GNAL: variants seen among roughly 807,000 people sequenced by gnomAD.
The protein encoded by GNAL is G protein subunit alpha L, also known as guanine nucleotide-binding protein G(olf) subunit alpha.
Under a neutral mutation model 55.1 loss-of-function variants are expected in GNAL, and 18 were observed. That is an observed-to-expected ratio of 0.33 (90% CI 0.23 to 0.48). GNAL has a LOEUF of 0.48. GNAL is among the 20% of genes least tolerant of loss of function. The pLI, the probability that GNAL is intolerant of heterozygous loss-of-function variation, is 0.99. For synonymous variants in GNAL, 253 were observed against 237.0 expected (o/e 1.07, Z -0.62); for missense variants, 412 against 614.1 (o/e 0.67, Z 3.48).
chr18:11,691,934 T>G lies in GNAL; in HGVS notation c.376+1995T>G, dbSNP rs546874953. Among the ~76,000 whole-genome samples, 5 of 152,146 alleles carry G rather than the reference T, an allele frequency of 3.3e-5. No homozygotes were observed. In the East Asian group the frequency reaches 7.7e-4, roughly 23 times the overall value. Reference sequence around the variant, plus strand: ...CCAAATGCTTGCTCTCCTAGTAGTATTTTTCAGAGCTTAGCTATAGCAAAT... The same window carrying G: ...CCAAATGCTTGCTCTCCTAGTAGTAGTTTTCAGAGCTTAGCTATAGCAAAT... On this transcript the variant is annotated intron_variant, in intron 1 of 11. Coordinates refer to ENST00000334049, the MANE Select transcript of GNAL (RefSeq NM_182978.4).
intron 1 of GNAL, among the ~76,000 whole-genome samples, chr18:11,692,307 G>T (rs575267720): frequency 3.7e-4 from 57 of 152,318 alleles, no homozygotes; most frequent in Non-Finnish European, 6.6e-4. Flanking sequence ...CCTAGCTGTT[G>T]TATCCTGTTG....
At chr18:11,799,316 T>C (rs2034463803) in intron 4 of GNAL, among the ~76,000 whole-genome samples, 1 of 152,170 alleles carries the variant, frequency 6.6e-6, no homozygotes, top group Non-Finnish European at 1.5e-5. Flanking sequence ...TCTGTTGTCT[T>C]AGGGAAAGTG....
chr18:11,871,875 T>C (rs73403335), intron 9 of GNAL, among the ~76,000 whole-genome samples: 4,758 of 152,330 alleles, frequency 0.031, 228 homozygotes, highest in African/African-American at 0.11. Flanking sequence ...TTATCCGAAA[T>C]GCTTGGGACC....
At chr18:11,830,377 C>T (rs1190253137) in intron 5 of GNAL, among the ~76,000 whole-genome samples, 1 of 151,398 alleles carries the variant, frequency 6.6e-6, no homozygotes, top group Non-Finnish European at 1.5e-5. Context: ...ACCTCCACCT[C>T]CCGGGTTCAA....
Position 11,752,134 on chromosome 18 carries a change from C to A in GNAL, c.377-719C>A. On this transcript the variant is annotated intron_variant, in intron 1 of 11. Transcript: ENST00000334049. This position sits in a 1 kb window ranked among gnomAD's most constrained non-coding sequence, Gnocchi z 4.5. The stretch of plus-strand genomic sequence containing the variant: ...GGCTGTCTCCAGCGGAGACCGGCGC[C>A]CTCGCCCCCCGTCTCCGTTCATTGT... 4.4e-6 allele frequency: 1 copy of A among 227,836 alleles called. No homozygotes were observed. The highest frequency in any genetic ancestry group is 8.0e-6 in the Non-Finnish European group (1 of 124,850). 14.1% of individuals were successfully genotyped at this position (227,836 alleles called of 1,614,324 possible). A position where few individuals can be genotyped will look rare whatever the true frequency, so the allele number is the denominator to read the frequency against.
At chr18:11,846,847 G>C (rs368103702) in intron 5 of GNAL, among the ~76,000 whole-genome samples, 1 of 151,958 alleles carries the variant, frequency 6.6e-6, no homozygotes, top group Non-Finnish European at 1.5e-5. Context: ...AAAGTGTTGT[G>C]ATTACAGGCA....
chr18:11,773,502 A>C (rs916483391), intron 4 of GNAL, among the ~76,000 whole-genome samples: 16 of 152,204 alleles, frequency 1.1e-4, no homozygotes, highest in African/African-American at 3.6e-4. Context: ...GCAGTGGCTC[A>C]TCCCTTTAAT....
At chr18:11,871,677 T>A (rs2143886505) in intron 9 of GNAL, among the ~76,000 whole-genome samples, 1 of 152,328 alleles carries the variant, frequency 6.6e-6, no homozygotes, top group Admixed American at 6.5e-5. Flanking sequence ...AGCTAATGAG[T>A]CATATATTAC....
At chr18:11,773,880 T>C (rs564518071) in intron 4 of GNAL, among the ~76,000 whole-genome samples, 10 of 152,362 alleles carry the variant, frequency 6.6e-5, no homozygotes, top group Admixed American at 3.9e-4. Context: ...CTTAACATTA[T>C]GGTTAAGAGT....
At chr18:11,745,377 T>C (rs1234605195) in intron 1 of GNAL, among the ~76,000 whole-genome samples, 1 of 152,254 alleles carries the variant, frequency 6.6e-6, no homozygotes, top group African/African-American at 2.4e-5. Flanking sequence ...TGACTTTTTT[T>C]TCAACATTTG....
At chr18:11,711,000 C>T (rs370144876) in intron 1 of GNAL, among the ~76,000 whole-genome samples, 6 of 152,096 alleles carry the variant, frequency 3.9e-5, no homozygotes, top group Non-Finnish European at 5.9e-5. Context: ...CTCAGCCTCC[C>T]GAGTAGCTGT....
intron 5 of GNAL, among the ~76,000 whole-genome samples, chr18:11,835,974 G>A (rs7237503): frequency 0.038 from 5,727 of 152,080 alleles, 130 homozygotes; most frequent in African/African-American, 0.056. Flanking sequence ...TTGAGACCTC[G>A]TCTCTACAAA....
At chr18:11,704,234 G>A (rs904306876) in intron 1 of GNAL, among the ~76,000 whole-genome samples, 3 of 152,152 alleles carry the variant, frequency 2.0e-5, no homozygotes, top group African/African-American at 4.8e-5. Flanking sequence ...GTCATACCAC[G>A]GAACACATCG....
chr18:11,689,758 GC>G lies in GNAL; in HGVS notation c.198del (p.Ala68GlnfsTer14). 1 of 1,514,634 alleles carries G rather than the reference GC, an allele frequency of 6.6e-7. No homozygotes were observed. The highest frequency in any genetic ancestry group is 8.8e-7 in the Non-Finnish European group (1 of 1,134,852). The allele number at this position is 1,514,634 out of a possible 1,614,324, so 93.8% of individuals were successfully genotyped here. ...GCGAAGGGAGCCCGGCATGCGCTCG[GC>G]CCAAAGCAGACAAGCCGAAGGAGAA... ...GGEGSPACAR[P>X]KADKPKEKRQ... On this transcript the variant is annotated frameshift_variant, in exon 1 of 12. Transcript: ENST00000334049. LOFTEE classifies it high-confidence loss of function.
At position 11,689,514 on chromosome 18, in the gene GNAL, C is replaced by T. The variant is rs889680075; in HGVS notation, c.-50C>T. On this transcript the variant is annotated 5_prime_UTR_variant, in exon 1 of 12. Transcript: ENST00000334049. ...GGCGCGGGAACCAGGCCGCCCTCGG[C>T]GCCCAGCCTGCCCTAGTCCCGCGCG... is the stretch of plus-strand genomic sequence containing the variant. 4.5e-5 allele frequency: 43 copies of T among 957,958 alleles called. No homozygotes were observed. The highest frequency in any genetic ancestry group is 5.7e-5 in the Non-Finnish European group (42 of 740,440). The allele number at this position is 957,958 out of a possible 1,614,324, so 59.3% of individuals were successfully genotyped here. A position where few individuals can be genotyped will look rare whatever the true frequency, so the allele number is the denominator to read the frequency against.
intron 1 of GNAL, among the ~76,000 whole-genome samples, chr18:11,708,418 A>G (rs888451512): frequency 2.0e-5 from 3 of 152,318 alleles, no homozygotes; most frequent in Non-Finnish European, 4.4e-5. Flanking sequence ...GCCATCTTAT[A>G]TGGGTGCTAT....
intron 1 of GNAL, among the ~76,000 whole-genome samples, chr18:11,701,718 C>T (rs1302330185): frequency 2.6e-5 from 4 of 152,144 alleles, no homozygotes; most frequent in Non-Finnish European, 5.9e-5. Context: ...CCACAGCTCC[C>T]AGAATGTAGC....
At chr18:11,707,220 C>T (rs987238367) in intron 1 of GNAL, among the ~76,000 whole-genome samples, 4 of 152,164 alleles carry the variant, frequency 2.6e-5, no homozygotes, top group African/African-American at 7.2e-5. Context: ...TTAGAGCAAT[C>T]GCTGTCTATG....
intron 5 of GNAL, among the ~76,000 whole-genome samples, chr18:11,838,432 C>G (rs898665144): frequency 6.6e-6 from 1 of 152,168 alleles, no homozygotes; most frequent in African/African-American, 2.4e-5. Flanking sequence ...TTAATGTGTA[C>G]AGAGTTTCCT....
Sources: gnomAD v4.1 joint callset for allele counts (sites outside exome capture counted in the v4.1 genomes callset) on GRCh38, gnomAD v4.1.1 for gene constraint, Gnocchi (gnomAD v3.1) non-coding constraint, MANE v1.5 for transcripts, NCBI Gene and HGNC (gene_info 2026-07-23, HGNC 2026-07-21) for gene names.